KLKB1: variants seen among roughly 807,000 people sequenced by gnomAD.
KLKB1 encodes the protein kallikrein B1, also known as plasma kallikrein.
Under a neutral mutation model 73.6 loss-of-function variants are expected in KLKB1, and 58 were observed. That is an observed-to-expected ratio of 0.79 (90% confidence interval 0.64 to 0.98). KLKB1 has a LOEUF of 0.98. Among genes scored for constraint, KLKB1 ranks in the 50% least tolerant of loss-of-function variants. The pLI is 0.00. For synonymous variants in KLKB1, 280 were observed against 258.1 expected, an observed-to-expected ratio of 1.08 and a Z score of -0.81; for missense variants, 737 against 763.8, an observed-to-expected ratio of 0.96 and a Z score of 0.41.
Position 186,215,792 on chromosome 4 carries a change from A to G in KLKB1, c.201+6520A>G, listed in dbSNP as rs1304826221. 2.0e-5 allele frequency among the ~76,000 whole-genome samples: 3 copies of G among 152,118 alleles called. 1 individual carries two copies. The highest frequency in any genetic ancestry group is 6.3e-3 in the Middle Eastern group (2 of 316). On this transcript the variant is annotated intron_variant, in intron 2 of 14. Transcript: ENST00000511608. The stretch of plus-strand genomic sequence containing the variant: ...GGGTTTGGCCATGTTTCCCAGGCTA[A>G]ATTAAGACATTTAAATCACTCAGGC...
Position 186,237,810 on chromosome 4 carries a change from G to A in KLKB1, c.489-446G>A, listed in dbSNP as rs118120486. The stretch of plus-strand genomic sequence containing the variant: ...CCCACTAAGCTATTTTTCAACGCCC[G>A]CCCCCTTCCCACCTCTCTGTCACCT... On this transcript the variant is annotated intron_variant, in intron 5 of 14. Coordinates refer to ENST00000264690, the MANE Select transcript of KLKB1 (RefSeq NM_000892.5). Among the ~76,000 whole-genome samples the A allele has an allele frequency of 4.7e-3, 708 of 151,934 alleles. 43 individuals are homozygous for A. The East Asian group carries it at 0.099, about 21-fold the overall frequency.
chr4:186,251,956 G>T, intron 10 of KLKB1, 61 bp from the exon 11 acceptor site: 2 of 1,609,936 alleles, frequency 1.2e-6, no homozygotes, highest in East Asian at 2.2e-5. Flanking sequence ...GTTCTCCTTG[G>T]TTAGAAGGGA....
chr4:186,246,619 G>A (rs1280209355), intron 6 of KLKB1, among the ~76,000 whole-genome samples: 1 of 152,148 alleles, frequency 6.6e-6, no homozygotes, highest in Non-Finnish European at 1.5e-5. Flanking sequence ...TTAAGTTCTT[G>A]AGAACATAGG....
intron 6 of KLKB1, among the ~76,000 whole-genome samples, chr4:186,248,091 C>T (rs1016896196): frequency 6.6e-6 from 1 of 151,786 alleles, no homozygotes; most frequent in African/African-American, 2.4e-5. Context: ...ACTAAAGATA[C>T]AAAAAAATTA....
intron 2 of KLKB1, among the ~76,000 whole-genome samples, chr4:186,221,265 T>C (rs1025622026): frequency 1.3e-5 from 2 of 151,934 alleles, no homozygotes; most frequent in Non-Finnish European, 2.9e-5. Flanking sequence ...ACCTTTTCTG[T>C]TGTTTTTCTA....
intron 5 of KLKB1, among the ~76,000 whole-genome samples, chr4:186,237,566 C>G (rs1276652443): frequency 2.0e-5 from 3 of 152,204 alleles, no homozygotes; most frequent in Non-Finnish European, 4.4e-5. Flanking sequence ...AAGCCCATTT[C>G]TGAGCATTCT....
rs267600112 is a variant in KLKB1 at position 186,251,794 on chromosome 4, G to A, written c.1077G>A (p.Arg359=). 6.2e-7 allele frequency: 1 copy of A among 1,614,060 alleles called. No homozygotes were observed. Among genetic ancestry groups the A allele is most frequent in the African/African-American group, 1.3e-5 (1 of 75,034 alleles). ...LRLSMDGSPT[R]IAYGTQGSSG... is the part of the protein sequence containing the mutation. ...TATCTATGGATGGTTCTCCAACTAG[G>A]ATTGCGTATGGGACACAAGGGAGCT... is the stretch of plus-strand genomic sequence containing the variant. Residue 359 remains arginine (R), a synonymous_variant, in exon 10 of 15, where the codon AGG becomes AGA. Transcript: ENST00000264690.
At chr4:186,227,033 G>A (rs1052077058), upstream of KLKB1, among the ~76,000 whole-genome samples, 1 of 152,126 alleles carries the variant, frequency 6.6e-6, no homozygotes, top group Non-Finnish European at 1.5e-5. Flanking sequence ...CTGGTGCTGG[G>A]GTTTACTGGA....
intron 2 of KLKB1, chr4:186,212,322 A>T (rs1014991186): frequency 1.3e-5 from 2 of 152,188 alleles, no homozygotes; most frequent in Non-Finnish European, 2.9e-5. Context: ...ATTCATCTAT[A>T]TTTAGTAACC....
intron 6 of KLKB1, among the ~76,000 whole-genome samples, chr4:186,239,682 G>A (rs1252655782): frequency 1.6e-5 from 2 of 126,434 alleles, no homozygotes; most frequent in South Asian, 2.8e-4. Flanking sequence ...ATAGTTATAG[G>A]AAACTAGTAC....
intron 6 of KLKB1, among the ~76,000 whole-genome samples, chr4:186,248,681 T>A (rs1738513732): frequency 6.6e-6 from 1 of 151,672 alleles, no homozygotes; most frequent in Non-Finnish European, 1.5e-5. Flanking sequence ...AATTCTCTTA[T>A]GTATATACTT....
intron 4 of KLKB1, among the ~76,000 whole-genome samples, chr4:186,236,006 C>T (rs192722640): frequency 0.013 from 1,982 of 150,396 alleles, 19 homozygotes; most frequent in South Asian, 0.027. Context: ...CCCAGCTACT[C>T]GGGAGGCTGA....
intron 2 of KLKB1, among the ~76,000 whole-genome samples, chr4:186,217,703 G>A (rs1316486729): frequency 6.6e-6 from 1 of 152,164 alleles, no homozygotes; most frequent in East Asian, 1.9e-4. Context: ...TGTGGGTCTA[G>A]TACGTAAATC....
At chr4:186,246,131 C>T (rs374147421) in intron 6 of KLKB1, among the ~76,000 whole-genome samples, 1 of 151,680 alleles carries the variant, frequency 6.6e-6, no homozygotes, top group East Asian at 1.9e-4. Context: ...TAAGCTGGAC[C>T]GGGTGTGAGG....
chr4:186,217,280 C>A (rs1470721525), intron 2 of KLKB1, among the ~76,000 whole-genome samples: 1 of 150,502 alleles, frequency 6.6e-6, no homozygotes, highest in Non-Finnish European at 1.5e-5. Flanking sequence ...TGCTTTTGTC[C>A]CAGTTGTTTT....
At chr4:186,220,781 G>A (rs1184196323) in intron 2 of KLKB1, among the ~76,000 whole-genome samples, 1 of 152,070 alleles carries the variant, frequency 6.6e-6, no homozygotes, top group Non-Finnish European at 1.5e-5. Context: ...TTATTTTATT[G>A]TGATGTCCTT....
rs143771298 is a variant in KLKB1, at chr4:186,217,575, T to G, written c.201+8303T>G. Among the ~76,000 whole-genome samples, 481 of 152,322 alleles carry G rather than the reference T, an allele frequency of 3.2e-3. 3 individuals are homozygous for G. The highest frequency in any genetic ancestry group is 0.011 in the African/African-American group (453 of 41,580). On this transcript the variant is annotated intron_variant, in intron 2 of 14. Transcript: ENST00000511608. ...AGAATCGACTCCAAAAACTCTAATGTACTAATCAAGATGATATACTGTAAT... is the reference window on the plus strand; with the variant it reads ...AGAATCGACTCCAAAAACTCTAATGGACTAATCAAGATGATATACTGTAAT...
rs1205837578 is a variant in KLKB1, at chr4:186,250,329, A to G, written c.685A>G (p.Thr229Ala). 3 of 1,613,948 alleles carry G rather than the reference A, an allele frequency of 1.9e-6. No individual in the cohort carries two copies. The highest frequency in any genetic ancestry group is 2.7e-5 in the African/African-American group (2 of 74,906). ...CACTCCAGATGCTTTTGTGTGTCGG[A>G]CCATCTGCACCTATCACCCCAACTG... The part of the protein sequence containing the change: ...VLTPDAFVCR[T>A]ICTYHPNCLF... The change falls in exon 7 of 15, where the codon ACC becomes GCC. Residue 229 changes from threonine (T) to alanine (A), a missense_variant. Physicochemically the swap from Thr to Ala is moderately conservative, Grantham distance 58. Transcript: ENST00000264690.
chr4:186,212,136 A>G (rs1211255775), intron 2 of KLKB1: 1 of 152,166 alleles, frequency 6.6e-6, no homozygotes, highest in African/African-American at 2.4e-5. Context: ...GGAAATACGT[A>G]GAGATCTATA....
Sources: gnomAD v4.1 joint callset for allele counts (sites outside exome capture counted in the v4.1 genomes callset) on GRCh38, gnomAD v4.1.1 for gene constraint, MANE v1.5 for transcripts, NCBI Gene and HGNC (gene_info 2026-07-23, HGNC 2026-07-21) for gene names.